The following FGFR1OP2 variants were observed in gnomAD, a reference collection of about 807,000 sequenced individuals.
FGFR1OP2 encodes FGFR1 oncogene partner 2, also known as fibroblast growth factor receptor 1 oncogene partner 2.
FGFR1OP2 carries 17 observed loss-of-function variants against 35.2 expected under a neutral mutation model. The ratio of observed to expected loss-of-function variants is 0.48; its 90% CI spans 0.33 to 0.73. FGFR1OP2 has a LOEUF of 0.73. Ranked by LOEUF, FGFR1OP2 falls within the 30% of genes least tolerant of loss-of-function variation. FGFR1OP2 has a pLI of 0.02. For synonymous variants in FGFR1OP2, 105 were observed against 104.6 expected (o/e 1.00, Z -0.03); for missense variants, 251 against 307.3 (o/e 0.82, Z 1.37).
At chr12:26,943,878 G>T (rs1239710733) in intron 1 of FGFR1OP2, among the ~76,000 whole-genome samples, 1 of 152,104 alleles carries the variant, frequency 6.6e-6, no homozygotes, top group Non-Finnish European at 1.5e-5. Flanking sequence ...TCCAGTCCAT[G>T]AACACAGTAT....
intron 1 of FGFR1OP2, among the ~76,000 whole-genome samples, chr12:26,945,863 A>G (rs868170694): frequency 0.12 from 17,699 of 145,740 alleles, 1,045 homozygotes; most frequent in South Asian, 0.16. Flanking sequence ...CTCCGTCTCA[A>G]AAAAAAAAAA....
chr12:26,961,390 G>A (rs1939103635), intron 5 of FGFR1OP2: 2 of 152,146 alleles, frequency 1.3e-5, no homozygotes, highest in African/African-American at 2.4e-5. Flanking sequence ...CTCATGATGA[G>A]CTTTGTTAGA....
Position 26,963,989 on chromosome 12 carries a change from G to A in FGFR1OP2, c.624+534G>A, listed in dbSNP as rs557536922. Among the ~76,000 whole-genome samples the A allele has an allele frequency of 2.0e-3, 304 of 152,238 alleles. 1 individual carries two copies. Among genetic ancestry groups the A allele is most frequent in the African/African-American group, 6.5e-3 (270 of 41,564 alleles). Reference sequence around the variant, plus strand: ...CTACTAAAATTTAGAAAGTGAGACTGAAGATAAAGTGATAGAGAACAAATT... The same window carrying A: ...CTACTAAAATTTAGAAAGTGAGACTAAAGATAAAGTGATAGAGAACAAATT... On this transcript the variant is annotated intron_variant, in intron 6 of 6. Transcript: ENST00000229395.
At chr12:26,943,945 C>T (rs1938779967) in intron 1 of FGFR1OP2, among the ~76,000 whole-genome samples, 1 of 152,148 alleles carries the variant, frequency 6.6e-6, no homozygotes, top group African/African-American at 2.4e-5. Context: ...TTGTAGTTAT[C>T]AGCAAACAAA....
At chr12:26,956,719 T>C in intron 3 of FGFR1OP2, 59 bp downstream of exon 3, 1 of 950,948 alleles carries the variant, frequency 1.1e-6, no homozygotes, top group South Asian at 1.5e-5. Context: ...CTAAATCGTA[T>C]TTATTGCTCT....
At chr12:26,950,718 G>A (rs1419797444) in intron 1 of FGFR1OP2, among the ~76,000 whole-genome samples, 3 of 152,150 alleles carry the variant, frequency 2.0e-5, no homozygotes, top group Non-Finnish European at 4.4e-5. Flanking sequence ...TTTTATCACA[G>A]TGACTGATGT....
At chr12:26,949,904 A>G (rs1485797789) in intron 1 of FGFR1OP2, among the ~76,000 whole-genome samples, 1 of 152,052 alleles carries the variant, frequency 6.6e-6, no homozygotes, top group Non-Finnish European at 1.5e-5. Flanking sequence ...ATGTGGTACT[A>G]TCAAGTAGCC....
At chr12:26,954,028 G>C in intron 1 of FGFR1OP2, 117 bp from the exon 2 acceptor site, 3 of 703,550 alleles carry the variant, frequency 4.3e-6, no homozygotes, top group Non-Finnish European at 6.6e-6. Context: ...TTCCTCCCTG[G>C]ACAGTGAACA....
chr12:26,955,654 A>G (rs1939007215), intron 2 of FGFR1OP2, among the ~76,000 whole-genome samples: 1 of 152,218 alleles, frequency 6.6e-6, no homozygotes, highest in African/African-American at 2.4e-5. Context: ...TCAGTACTTC[A>G]TTCCTGTTTA....
intron 1 of FGFR1OP2, among the ~76,000 whole-genome samples, chr12:26,942,520 G>A (rs768770392): frequency 6.6e-5 from 10 of 152,198 alleles, no homozygotes; most frequent in Admixed American, 1.3e-4. Flanking sequence ...CATTTGGATA[G>A]AATTAGGTTA....
In FGFR1OP2 at chr12:26,956,106, C is replaced by T. The variant is rs117147567; in HGVS notation, c.136-437C>T. ...GTGATAATTCTTCTTCCGATGTGCC[C>T]AGGGAAGCCAAAAGATTGGACACCC... On this transcript the variant is annotated intron_variant, in intron 2 of 6. Coordinates refer to ENST00000229395, the MANE Select transcript of FGFR1OP2 (RefSeq NM_015633.3). Among the ~76,000 whole-genome samples, 9 of 152,174 alleles carry T rather than the reference C, an allele frequency of 5.9e-5. No individual in the cohort carries two copies. In the East Asian group the frequency reaches 1.7e-3, roughly 29 times the overall value.
intron 1 of FGFR1OP2, among the ~76,000 whole-genome samples, chr12:26,942,903 ACTCT>A (rs1938759478): frequency 6.6e-6 from 1 of 151,900 alleles, no homozygotes; most frequent in South Asian, 2.1e-4. Flanking sequence ...GTCTTTTCAA[ACTCT>A]CTAAACAGTG....
chr12:26,958,668 G>C (rs1360779799), intron 4 of FGFR1OP2, among the ~76,000 whole-genome samples: 1 of 152,154 alleles, frequency 6.6e-6, no homozygotes, highest in East Asian at 1.9e-4. Context: ...TTAGAAATTA[G>C]TGTTTTACCT....
chr12:26,957,883 G>A, intron 4 of FGFR1OP2, 140 bp downstream of exon 4: 1 of 608,722 alleles, frequency 1.6e-6, no homozygotes. Flanking sequence ...CTTTTTAATT[G>A]ACATTTTCTC....
Position 26,947,493 on chromosome 12 carries a change from G to A in FGFR1OP2, c.-14-6652G>A, listed in dbSNP as rs113118136. On this transcript the variant is annotated intron_variant, in intron 1 of 6. Transcript: ENST00000229395. ...CAGTGGCACAGCCAGGGTTGACTGCGCCCTCACCGTTCCGAGTAGCTGGGA... is the reference window on the plus strand; with the variant it reads ...CAGTGGCACAGCCAGGGTTGACTGCACCCTCACCGTTCCGAGTAGCTGGGA... 4.0e-3 allele frequency among the ~76,000 whole-genome samples: 602 copies of A among 152,092 alleles called. 5 individuals are homozygous for A. Among genetic ancestry groups the A allele is most frequent in the African/African-American group, 0.014 (563 of 41,524 alleles).
rs1172283657 is a variant in FGFR1OP2 at position 26,965,390 on chromosome 12, A to T, written c.*657A>T. The T allele has an allele frequency of 6.6e-6, 1 of 152,618 alleles. No homozygotes were observed. Among genetic ancestry groups the T allele is most frequent in the Non-Finnish European group, 1.5e-5 (1 of 67,976 alleles). 9.5% of individuals were successfully genotyped at this position (152,618 alleles called of 1,614,324 possible). A position where few individuals can be genotyped will look rare whatever the true frequency, so the allele number is the denominator to read the frequency against. ...ATTTCAGGAATGAAAAAGAAGGAATACTACTTTCTAAGAAAGAAGATCTTA... is the reference window on the plus strand; with the variant it reads ...ATTTCAGGAATGAAAAAGAAGGAATTCTACTTTCTAAGAAAGAAGATCTTA... On this transcript the variant is annotated 3_prime_UTR_variant, in exon 7 of 7. Coordinates refer to ENST00000229395, the MANE Select transcript of FGFR1OP2 (RefSeq NM_015633.3).
chr12:26,960,702 A>C, intron 5 of FGFR1OP2, 74 bp downstream of exon 5: 2 of 1,519,798 alleles, frequency 1.3e-6, no homozygotes, highest in Non-Finnish European at 8.8e-7. Context: ...TTTTACATTG[A>C]ATTTCCCTCC....
At chr12:26,944,528 A>C (rs1218588545) in intron 1 of FGFR1OP2, among the ~76,000 whole-genome samples, 1 of 152,322 alleles carries the variant, frequency 6.6e-6, no homozygotes, top group South Asian at 2.1e-4. Context: ...TCTTCAGTGG[A>C]TTACATTGGA....
intron 1 of FGFR1OP2, among the ~76,000 whole-genome samples, chr12:26,939,413 C>T (rs1198653590): frequency 6.6e-6 from 1 of 152,162 alleles, no homozygotes; most frequent in Admixed American, 6.5e-5. Flanking sequence ...TTAAGCACAT[C>T]ATCATTCAGG....
Sources: gnomAD v4.1 joint callset for allele counts (sites outside exome capture counted in the v4.1 genomes callset) on GRCh38, gnomAD v4.1.1 for gene constraint, MANE v1.5 for transcripts, NCBI Gene and HGNC (gene_info 2026-07-23, HGNC 2026-07-21) for gene names.